Variants in ZNF536 observed in about 807,000 individuals in gnomAD.
ZNF536 encodes the protein zinc finger protein 536.
Under a neutral mutation model 84.5 loss-of-function variants are expected in ZNF536, and 13 were observed. The ratio of observed to expected loss-of-function variants is 0.15; its 90% CI spans 0.10 to 0.24. The LOEUF is 0.24. Among genes scored for constraint, ZNF536 ranks in the 10% least tolerant of loss-of-function variants. The probability of loss-of-function intolerance (pLI) is 1.00; values close to 1 mark genes in which losing one functional copy is unlikely to be tolerated. For synonymous variants in ZNF536, 811 were observed against 742.5 expected (o/e 1.09, Z -1.50); for missense variants, 1,536 against 1,747.5 (o/e 0.88, Z 2.16).
intron 3 of ZNF536, among the ~76,000 whole-genome samples, chr19:30,364,919 T>C (rs1331113367): frequency 6.6e-6 from 1 of 152,224 alleles, no homozygotes; most frequent in Non-Finnish European, 1.5e-5. Context: ...ATTCATCAGT[T>C]CTCCTGCTTA....
intron 2 of ZNF536, among the ~76,000 whole-genome samples, chr19:30,298,559 C>T (rs2046082103): frequency 6.6e-6 from 1 of 152,212 alleles, no homozygotes; most frequent in South Asian, 2.1e-4. Flanking sequence ...GGTGTGCTGA[C>T]TCCTTCATCC....
chr19:30,620,288 G>A (rs1353185081), intron 1 of ZNF536, among the ~76,000 whole-genome samples: 3 of 151,900 alleles, frequency 2.0e-5, no homozygotes, highest in African/African-American at 7.3e-5. Flanking sequence ...TTAAAATAAA[G>A]GTTCTGGGTC....
At chr19:30,559,373 C>A (rs1160486820), downstream of ZNF536, among the ~76,000 whole-genome samples, 1 of 152,220 alleles carries the variant, frequency 6.6e-6, no homozygotes, top group Non-Finnish European at 1.5e-5. Flanking sequence ...GTTTCCACTG[C>A]CAGTGTATAT....
At chr19:30,562,181 T>C (rs1251856621), downstream of ZNF536, among the ~76,000 whole-genome samples, 1 of 152,034 alleles carries the variant, frequency 6.6e-6, no homozygotes, top group Admixed American at 6.6e-5. Flanking sequence ...CCCTCTTAGG[T>C]CTTAAACTCT....
chr19:30,553,285 C>T (rs962424251), intron 4 of ZNF536, among the ~76,000 whole-genome samples: 2 of 152,278 alleles, frequency 1.3e-5, no homozygotes, highest in African/African-American at 4.8e-5. Flanking sequence ...ACTGTTGGGT[C>T]GGCACTTGGC....
At chr19:30,355,331 C>T (rs976604485) in intron 3 of ZNF536, among the ~76,000 whole-genome samples, 1 of 152,120 alleles carries the variant, frequency 6.6e-6, no homozygotes, top group Non-Finnish European at 1.5e-5. Flanking sequence ...AGAACTCACT[C>T]ATCACCAATG....
At position 30,572,832 on chromosome 19, in the gene ZNF536, A is replaced by G. The variant is rs538780419; in HGVS notation, c.169+23318A>G. 1.6e-4 allele frequency among the ~76,000 whole-genome samples: 24 copies of G among 152,322 alleles called. 1 individual carries two copies. In the South Asian group the frequency reaches 4.4e-3, roughly 28 times the overall value. Reference sequence around the variant, plus strand: ...GAAGGCCTCTTTGTTGAAGGGGGACATTGGAGAGAGACTAGAGACAGTATC... The same window carrying G: ...GAAGGCCTCTTTGTTGAAGGGGGACGTTGGAGAGAGACTAGAGACAGTATC... On this transcript the variant is annotated intron_variant, in intron 1 of 1. Transcript: ENST00000592773.
chr19:30,268,915 G>T (rs978099463), intron 1 of ZNF536, among the ~76,000 whole-genome samples: 2 of 152,166 alleles, frequency 1.3e-5, no homozygotes, highest in African/African-American at 4.8e-5. Flanking sequence ...AATTATCTTA[G>T]TGAACATTTA....
chr19:30,334,953 T>C (rs776350611), intron 2 of ZNF536, among the ~76,000 whole-genome samples: 2 of 152,186 alleles, frequency 1.3e-5, no homozygotes, highest in Non-Finnish European at 2.9e-5. Context: ...TGGCAGGAGA[T>C]GGGGCTCAGG....
chr19:30,408,286 A>T, intron 1 of ZNF536, among the ~76,000 whole-genome samples: 1 of 152,170 alleles, frequency 6.6e-6, no homozygotes, highest in East Asian at 1.9e-4. Flanking sequence ...ATTGGCCACT[A>T]GTATAATTGC....
At chr19:30,392,965 T>C (rs1269205779) in intron 1 of ZNF536, among the ~76,000 whole-genome samples, 1 of 152,226 alleles carries the variant, frequency 6.6e-6, no homozygotes, top group East Asian at 1.9e-4. Context: ...TGGAAACCAC[T>C]TCTGTATGAT....
intron 1 of ZNF536, among the ~76,000 whole-genome samples, chr19:30,696,891 A>C (rs529722103): frequency 6.6e-6 from 1 of 152,270 alleles, no homozygotes; most frequent in South Asian, 2.1e-4. Context: ...ACAGCAAGAC[A>C]CAGTGCAGGT....
chr19:30,340,016 A>G (rs1320762148), intron 2 of ZNF536, among the ~76,000 whole-genome samples: 1 of 152,100 alleles, frequency 6.6e-6, no homozygotes, highest in African/African-American at 2.4e-5. Flanking sequence ...TGGACTCCCC[A>G]TGAATCCTGT....
At chr19:30,374,354 A>G (rs151240216) in intron 1 of ZNF536, among the ~76,000 whole-genome samples, 6 of 152,280 alleles carry the variant, frequency 3.9e-5, no homozygotes, top group African/African-American at 1.2e-4. Context: ...CGTAAAAAAT[A>G]TAAAGTAATA....
chr19:30,445,020 C>T lies in ZNF536; in HGVS notation c.1458C>T (p.His486=), dbSNP rs138204939. ...MAHGVPEGDK[H]SLLGCLNLVP... ...ACGGCGTCCCGGAGGGGGACAAGCA[C>T]TCCCTCCTGGGATGCCTCAATCTCG... Residue 486 remains histidine, a synonymous_variant, in exon 2 of 5, where the codon CAC becomes CAT. Transcript: ENST00000355537. This position sits in a 1 kb window ranked among gnomAD's most constrained non-coding sequence, Gnocchi z 4.5. 1.9e-6 allele frequency: 3 copies of T among 1,612,124 alleles called. No homozygotes were observed. The African/African-American group carries it at 4.0e-5, about 22-fold the overall frequency.
At chr19:30,570,001 G>A (rs1039292038) in intron 1 of ZNF536, among the ~76,000 whole-genome samples, 1 of 152,176 alleles carries the variant, frequency 6.6e-6, no homozygotes, top group Admixed American at 6.5e-5. Flanking sequence ...ATTGGGGAGG[G>A]GAGTGCTTCT....
chr19:30,240,786 A>C (rs1291974874), intron 1 of ZNF536, among the ~76,000 whole-genome samples: 2 of 152,212 alleles, frequency 1.3e-5, no homozygotes, highest in Admixed American at 6.5e-5. Flanking sequence ...GAATAGATGA[A>C]CAAGAAGTGA....
At chr19:30,339,517 C>T (rs1288369160) in intron 2 of ZNF536, among the ~76,000 whole-genome samples, 1 of 152,154 alleles carries the variant, frequency 6.6e-6, no homozygotes, top group African/African-American at 2.4e-5. Context: ...CCCTTGGTCT[C>T]AGGGTGTGGC....
chr19:30,677,692 C>T (rs975403943), intron 1 of ZNF536, among the ~76,000 whole-genome samples: 4 of 152,256 alleles, frequency 2.6e-5, no homozygotes, highest in Admixed American at 6.5e-5. Flanking sequence ...ATTGTAGAGA[C>T]TGGGATAACC....
Sources: gnomAD v4.1 joint callset for allele counts (sites outside exome capture counted in the v4.1 genomes callset) on GRCh38, gnomAD v4.1.1 for gene constraint, Gnocchi (gnomAD v3.1) non-coding constraint, MANE v1.5 for transcripts, NCBI Gene and HGNC (gene_info 2026-07-23, HGNC 2026-07-21) for gene names.